Variants in TRABD2A observed in about 807,000 individuals in gnomAD.
TRABD2A encodes TraB domain containing 2A.
In TRABD2A, 43 loss-of-function variants were observed where a neutral mutation model predicts 45.6. That is an observed-to-expected ratio of 0.94 (90% CI 0.74 to 1.22). TRABD2A has a LOEUF of 1.22. TRABD2A is among the 50% of genes most tolerant of loss of function. The pLI, the probability that TRABD2A is intolerant of heterozygous loss-of-function variation, is 0.00. For missense variants in TRABD2A, 642 were observed against 652.4 expected, an observed-to-expected ratio of 0.98 and a Z score of 0.17; for synonymous variants, 269 against 265.0, an observed-to-expected ratio of 1.02 and a Z score of -0.15.
intron 5 of TRABD2A, among the ~76,000 whole-genome samples, chr2:84,825,025 AC>A (rs1463721627): frequency 6.6e-6 from 1 of 152,170 alleles, no homozygotes; most frequent in Non-Finnish European, 1.5e-5. Flanking sequence ...CAACAACAGA[AC>A]TTTTGTCAAG....
In TRABD2A at chr2:84,839,220, C is replaced by G. The variant is rs1480741214; in HGVS notation, c.920G>C (p.Arg307Thr). ...AAGGGCCTTCACCCGCTTCCCTATT[C>G]TCTCATTCCGCTTGTAGATCAGCTC... ...RRELIYKRNE[R>T]IGKRVKALLE... is the part of the protein sequence containing the mutation. The change falls in exon 4 of 7, where the codon AGA becomes ACA. Residue 307 changes from arginine (R) to threonine (T), a missense_variant. By Grantham distance (71) the Arg-to-Thr change is moderately conservative. Coordinates refer to ENST00000409520, the MANE Select transcript of TRABD2A (RefSeq NM_001277053.2). 1 of 1,613,866 alleles carries G rather than the reference C, an allele frequency of 6.2e-7. No homozygotes were observed. The highest frequency in any genetic ancestry group is 8.5e-7 in the Non-Finnish European group (1 of 1,179,898).
intron 2 of TRABD2A, among the ~76,000 whole-genome samples, chr2:84,852,109 G>T (rs891139518): frequency 2.6e-5 from 4 of 152,120 alleles, no homozygotes; most frequent in Admixed American, 6.5e-5. Context: ...GTTGTGGGGA[G>T]GGACACCAAC....
chr2:84,843,141 T>C (rs960829103), intron 2 of TRABD2A, among the ~76,000 whole-genome samples: 1 of 151,824 alleles, frequency 6.6e-6, no homozygotes, highest in Admixed American at 6.5e-5. Flanking sequence ...TCTCTCACTT[T>C]CCCCAGGTAC....
In TRABD2A at chr2:84,830,111, C is replaced by T. The variant is rs567376583; in HGVS notation, c.1082+1944G>A. On this transcript the variant is annotated intron_variant, in intron 5 of 6. Coordinates refer to ENST00000409520, the MANE Select transcript of TRABD2A (RefSeq NM_001277053.2). The surrounding 1 kb of genome is among the most constrained non-coding windows in gnomAD (Gnocchi z 4.9). ...TTGAACCCCAGGCCAGTCAGCCCAG[C>T]GGGAAGAGCTGAGAAGGGACCAGAG... 2.8e-4 allele frequency among the ~76,000 whole-genome samples: 43 copies of T among 152,250 alleles called. No homozygotes were observed. Among genetic ancestry groups the T allele is most frequent in the African/African-American group, 8.7e-4 (36 of 41,536 alleles).
At chr2:84,880,904 G>A in intron 1 of TRABD2A, 28 bp downstream of exon 1, 2 of 1,566,454 alleles carry the variant, frequency 1.3e-6, no homozygotes, top group Non-Finnish European at 1.7e-6. Flanking sequence ...AGAGAGGCCG[G>A]CTCTCCAGCA....
intron 2 of TRABD2A, among the ~76,000 whole-genome samples, chr2:84,866,302 C>A (rs1682675330): frequency 1.3e-5 from 2 of 152,180 alleles, no homozygotes; most frequent in Admixed American, 6.5e-5. Context: ...CCAAGAGAAT[C>A]CAGGCTGTTC....
chr2:84,831,093 G>C (rs189462399), intron 5 of TRABD2A, among the ~76,000 whole-genome samples: 3 of 152,108 alleles, frequency 2.0e-5, no homozygotes, highest in Non-Finnish European at 4.4e-5. Flanking sequence ...GTGACCATTT[G>C]GAGTTAGGGC....
At chr2:84,880,113 T>A (rs1312669611) in intron 1 of TRABD2A, among the ~76,000 whole-genome samples, 1 of 151,312 alleles carries the variant, frequency 6.6e-6, no homozygotes, top group African/African-American at 2.4e-5. Context: ...ATTCAACCTA[T>A]GCCGCACTCA....
At chr2:84,826,541 G>A (rs1056615482) in intron 5 of TRABD2A, among the ~76,000 whole-genome samples, 1 of 152,124 alleles carries the variant, frequency 6.6e-6, no homozygotes, top group African/African-American at 2.4e-5. Context: ...CTTTTGTTTT[G>A]TTTTGTTTTG....
chr2:84,879,208 G>C (rs1371420322), intron 1 of TRABD2A, among the ~76,000 whole-genome samples: 1 of 147,774 alleles, frequency 6.8e-6, no homozygotes, highest in Non-Finnish European at 1.5e-5. Flanking sequence ...TTTGGATATA[G>C]GGTCTCGCTC....
chr2:84,853,188 T>C (rs145668047), intron 2 of TRABD2A, among the ~76,000 whole-genome samples: 240 of 151,888 alleles, frequency 1.6e-3, no homozygotes, highest in African/African-American at 5.2e-3. Context: ...GGGAAGACCA[T>C]GCAGAAACAC....
intron 2 of TRABD2A, among the ~76,000 whole-genome samples, chr2:84,846,851 C>G (rs1248886531): frequency 6.6e-6 from 1 of 152,218 alleles, no homozygotes; most frequent in Non-Finnish European, 1.5e-5. Context: ...TTCCTTGGAG[C>G]CAGAATACTC....
intron 2 of TRABD2A, among the ~76,000 whole-genome samples, chr2:84,849,206 G>T (rs1160807058): frequency 6.6e-6 from 1 of 152,054 alleles, no homozygotes; most frequent in African/African-American, 2.4e-5. Flanking sequence ...CTGACTCCAA[G>T]GAGAAACCCA....
Position 84,824,043 on chromosome 2 carries a change from G to T in TRABD2A, c.1244C>A (p.Ala415Asp). 1.2e-6 allele frequency: 2 copies of T among 1,613,812 alleles called. No homozygotes were observed. Among genetic ancestry groups the T allele is most frequent in the African/African-American group, 2.7e-5 (2 of 75,072 alleles). Residue 415 changes from alanine (A) to aspartate (D), a missense_variant, in exon 6 of 7, where the codon GCC becomes GAC. Coordinates refer to ENST00000409520, the MANE Select transcript of TRABD2A (RefSeq NM_001277053.2). ...RPGSADTPSEAEQRFRKKRRR... is the reference protein window; with the variant it reads ...RPGSADTPSEDEQRFRKKRRR... ...CCGCTTCTTCCGGAACCTCTGTTCGGCCTCACTGGGCGTGTCGGCACTTCC... is the reference window on the plus strand; with the variant it reads ...CCGCTTCTTCCGGAACCTCTGTTCGTCCTCACTGGGCGTGTCGGCACTTCC...
chr2:84,876,486 T>C (rs996458915), intron 1 of TRABD2A, among the ~76,000 whole-genome samples: 1 of 152,190 alleles, frequency 6.6e-6, no homozygotes, highest in Non-Finnish European at 1.5e-5. Flanking sequence ...ATGTGGATGG[T>C]AGGCCAAATA....
intron 6 of TRABD2A, among the ~76,000 whole-genome samples, chr2:84,823,013 A>C (rs569540015): frequency 9.9e-4 from 150 of 152,168 alleles, no homozygotes; most frequent in South Asian, 6.0e-3. Flanking sequence ...TTCCCTATTC[A>C]GTTGTTCACT....
chr2:84,852,563 G>A (rs1267575474), intron 2 of TRABD2A, among the ~76,000 whole-genome samples: 1 of 152,106 alleles, frequency 6.6e-6, no homozygotes, highest in African/African-American at 2.4e-5. Context: ...TCAGCAGCAG[G>A]GCCAATATGT....
intron 1 of TRABD2A, among the ~76,000 whole-genome samples, chr2:84,875,308 T>C (rs1432670331): frequency 1.3e-5 from 2 of 152,138 alleles, no homozygotes; most frequent in Non-Finnish European, 2.9e-5. Context: ...GAGAAGAGCA[T>C]TCCCTCCAGG....
chr2:84,861,374 T>TG (rs1351161260), intron 2 of TRABD2A, among the ~76,000 whole-genome samples: 2 of 152,010 alleles, frequency 1.3e-5, no homozygotes, highest in Non-Finnish European at 2.9e-5. Flanking sequence ...CTGGGAGTGT[T>TG]GGGGCACAGT....
Sources: gnomAD v4.1 joint callset for allele counts (sites outside exome capture counted in the v4.1 genomes callset) on GRCh38, gnomAD v4.1.1 for gene constraint, Gnocchi (gnomAD v3.1) non-coding constraint, MANE v1.5 for transcripts, NCBI Gene and HGNC (gene_info 2026-07-23, HGNC 2026-07-21) for gene names.